SLC16A10: variants seen among roughly 807,000 people sequenced by gnomAD.
SLC16A10 encodes the protein solute carrier family 16 member 10.
A neutral mutation model predicts 40.0 loss-of-function variants in SLC16A10; 27 were observed. The observed-to-expected ratio is 0.67, with a 90% CI of 0.50 to 0.93. The LOEUF is 0.93. SLC16A10 is among the 40% of genes least tolerant of loss of function. The probability of loss-of-function intolerance (pLI) is 0.00; values close to 1 mark genes in which losing one functional copy is unlikely to be tolerated. For synonymous variants in SLC16A10, 213 were observed against 249.8 expected (o/e 0.85, Z 1.39); for missense variants, 529 against 658.2 (o/e 0.80, Z 2.15).
chr6:111,155,496 G>A (rs2114520597), intron 1 of SLC16A10, among the ~76,000 whole-genome samples: 1 of 151,996 alleles, frequency 6.6e-6, no homozygotes, highest in Admixed American at 6.6e-5. Flanking sequence ...CACCACGCCT[G>A]GCCCAAAAAA....
intron 1 of SLC16A10, among the ~76,000 whole-genome samples, chr6:111,108,284 T>C (rs971999384): frequency 6.6e-6 from 1 of 152,192 alleles, no homozygotes; most frequent in Admixed American, 6.5e-5. Flanking sequence ...CCTTCCAAAG[T>C]GCTGGGATTA....
rs1770913978 is a variant in SLC16A10 at position 111,222,153 on chromosome 6, T to G, written c.1466T>G (p.Met489Arg). 1 of 1,606,922 alleles carries G rather than the reference T, an allele frequency of 6.2e-7. No individual in the cohort carries two copies. The highest frequency in any genetic ancestry group is 1.3e-5 in the African/African-American group (1 of 74,238). ...AGTAAAACCACTGGAAAAGAAAAGA[T>G]GGAGAAAATGTTGGAAAACCAGAAC... ...EISKTTGKEK[M>R]EKMLENQNSL... The change falls in exon 6 of 6, where the codon ATG becomes AGG. Residue 489 changes from methionine to arginine, a missense_variant. Transcript: ENST00000368851.
In SLC16A10 at chr6:111,229,027, C is replaced by T. The variant is rs1349841983; in HGVS notation, c.*6792C>T. 1.1e-4 allele frequency: 4 copies of T among 36,232 alleles called. No individual in the cohort carries two copies. Among genetic ancestry groups the T allele is most frequent in the Non-Finnish European group, 1.6e-4 (3 of 19,028 alleles). 2.2% of individuals were successfully genotyped at this position (36,232 alleles called of 1,614,324 possible). On this transcript the variant is annotated 3_prime_UTR_variant, in exon 6 of 6. Coordinates refer to ENST00000368851, the MANE Select transcript of SLC16A10 (RefSeq NM_018593.5). ...CTGGGCAACAAGAGCAAAACTCTGT[C>T]TCAAAAAAAAAAAAAAAAAAAATAG... is the stretch of plus-strand genomic sequence containing the variant.
In SLC16A10 at chr6:111,225,703, A is replaced by G. The variant is rs1375233048; in HGVS notation, c.*3468A>G. 1.3e-5 allele frequency: 2 copies of G among 152,164 alleles called. No homozygotes were observed. Among genetic ancestry groups the G allele is most frequent in the African/African-American group, 4.8e-5 (2 of 41,432 alleles). 9.4% of individuals were successfully genotyped at this position (152,164 alleles called of 1,614,324 possible). Reference sequence around the variant, plus strand: ...ATGTCCAGATGACTTTTGATGTTAAATCAATGGAAAACTGAATAGAAAATA... The same window carrying G: ...ATGTCCAGATGACTTTTGATGTTAAGTCAATGGAAAACTGAATAGAAAATA... On this transcript the variant is annotated 3_prime_UTR_variant, in exon 6 of 6. Transcript: ENST00000368851.
chr6:111,118,257 A>C (rs920499950), intron 1 of SLC16A10, among the ~76,000 whole-genome samples: 1 of 152,240 alleles, frequency 6.6e-6, no homozygotes, highest in Non-Finnish European at 1.5e-5. Context: ...TAGGAAATGT[A>C]ATTATAACAT....
At chr6:111,173,261 A>G (rs1772621021) in intron 2 of SLC16A10, among the ~76,000 whole-genome samples, 1 of 152,196 alleles carries the variant, frequency 6.6e-6, no homozygotes, top group Admixed American at 6.5e-5. Context: ...CTTGATATGA[A>G]ATATTTTTGT....
intron 1 of SLC16A10, among the ~76,000 whole-genome samples, chr6:111,157,913 A>G (rs1429954115): frequency 6.6e-6 from 1 of 151,494 alleles, no homozygotes; most frequent in African/African-American, 2.4e-5. Context: ...ACTAAAAAAA[A>G]AAAAAAGAAA....
At chr6:111,114,741 TTTTTAAAA>T (rs1771455745) in intron 1 of SLC16A10, among the ~76,000 whole-genome samples, 1 of 152,226 alleles carries the variant, frequency 6.6e-6, no homozygotes, top group Admixed American at 6.5e-5. Flanking sequence ...TGTAGTTTAT[TTTTTAAAA>T]TTATAAAGCA....
chr6:111,155,653 G>A lies in SLC16A10; in HGVS notation c.344-17042G>A, dbSNP rs184540856. Among the ~76,000 whole-genome samples the A allele has an allele frequency of 5.9e-5, 9 of 152,318 alleles. No homozygotes were observed. The East Asian group carries it at 1.7e-3, about 29-fold the overall frequency. On this transcript the variant is annotated intron_variant, in intron 1 of 5. Transcript: ENST00000368851. Reference sequence around the variant, plus strand: ...AGAAAGATTATAGACAAGCAAGGAAGGAGTTAGAATAACCTGTGTGATAAT... The same window carrying A: ...AGAAAGATTATAGACAAGCAAGGAAAGAGTTAGAATAACCTGTGTGATAAT...
intron 3 of SLC16A10, among the ~76,000 whole-genome samples, chr6:111,198,115 C>T (rs1415905128): frequency 6.6e-6 from 1 of 152,032 alleles, no homozygotes; most frequent in African/African-American, 2.4e-5. Flanking sequence ...GGTGAAACCC[C>T]ATCTCTACTA....
rs142859711 is a variant in SLC16A10 at position 111,115,180 on chromosome 6, A to G, written c.343+27085A>G. Among the ~76,000 whole-genome samples the G allele has an allele frequency of 6.9e-4, 105 of 152,032 alleles. 1 individual carries two copies. The highest frequency in any genetic ancestry group is 9.7e-4 in the Non-Finnish European group (66 of 68,004). ...ATTAAAAGATGGACAAGTATCATGT[A>G]TTATCTTAGTAGTCATCAAACAAGG... On this transcript the variant is annotated intron_variant, in intron 1 of 5. Transcript: ENST00000368851.
chr6:111,159,554 CTGTTTTTTT>C (rs796591416), intron 1 of SLC16A10, among the ~76,000 whole-genome samples: 97 of 152,172 alleles, frequency 6.4e-4, no homozygotes, highest in African/African-American at 2.2e-3. Flanking sequence ...TGGGTTCTTT[CTGTTTTTTT>C]GACTATTAGA....
rs564253541 is a variant in SLC16A10, at chr6:111,165,442, A to G, written c.344-7253A>G. Among the ~76,000 whole-genome samples, 20 of 152,350 alleles carry G rather than the reference A, an allele frequency of 1.3e-4. No homozygotes were observed. The East Asian group carries it at 3.7e-3, about 28-fold the overall frequency. On this transcript the variant is annotated intron_variant, in intron 1 of 5. Coordinates refer to ENST00000368851, the MANE Select transcript of SLC16A10 (RefSeq NM_018593.5). ...TTCCAGTGAAACAAGATGCAAGAAGAGGAAAACATAGAGGCCTTTTAAATA... is the reference window on the plus strand; with the variant it reads ...TTCCAGTGAAACAAGATGCAAGAAGGGGAAAACATAGAGGCCTTTTAAATA...
chr6:111,107,727 G>T (rs762272984), intron 1 of SLC16A10, among the ~76,000 whole-genome samples: 1 of 152,220 alleles, frequency 6.6e-6, no homozygotes, highest in South Asian at 2.1e-4. Flanking sequence ...AGAGGTGGAA[G>T]TGATCTAGTT....
chr6:111,160,579 G>A (rs972579035), intron 1 of SLC16A10, among the ~76,000 whole-genome samples: 7 of 152,216 alleles, frequency 4.6e-5, no homozygotes, highest in African/African-American at 1.4e-4. Context: ...AAGGCACCCC[G>A]CTCACTTGGT....
chr6:111,105,062 A>G (rs1208104685), intron 1 of SLC16A10, among the ~76,000 whole-genome samples: 1 of 151,894 alleles, frequency 6.6e-6, no homozygotes, highest in Non-Finnish European at 1.5e-5. Flanking sequence ...TTTTCCTTCA[A>G]TTTGACATGA....
At chr6:111,153,701 CT>C (rs1562414916) in intron 1 of SLC16A10, among the ~76,000 whole-genome samples, 1 of 152,172 alleles carries the variant, frequency 6.6e-6, no homozygotes, top group African/African-American at 2.4e-5. Flanking sequence ...AACTTCTGAG[CT>C]TTGCCTGTTT....
chr6:111,146,473 G>A (rs1043937484), intron 1 of SLC16A10, among the ~76,000 whole-genome samples: 4 of 152,182 alleles, frequency 2.6e-5, no homozygotes, highest in South Asian at 2.1e-4. Flanking sequence ...GGGCGCGGTG[G>A]CTCAAGCCTG....
chr6:111,124,356 ATT>A (rs541492469), intron 1 of SLC16A10, among the ~76,000 whole-genome samples: 8 of 142,408 alleles, frequency 5.6e-5, no homozygotes, highest in East Asian at 2.0e-4. Context: ...CAATAGAGTG[ATT>A]TTTTTTTTTT....
Sources: gnomAD v4.1 joint callset for allele counts (sites outside exome capture counted in the v4.1 genomes callset) on GRCh38, gnomAD v4.1.1 for gene constraint, MANE v1.5 for transcripts, NCBI Gene and HGNC (gene_info 2026-07-23, HGNC 2026-07-21) for gene names.